Variants in OR1D2 observed in about 807,000 individuals in gnomAD.
The protein encoded by OR1D2 is olfactory receptor family 1 subfamily D member 2.
For missense variants in OR1D2, 357 were observed against 376.1 expected (o/e 0.95, Z 0.42); for synonymous variants, 157 against 153.9 (o/e 1.02, Z -0.15).
chr17:3,099,780 T>C (rs1597255815), intron 1 of OR1D2, among the ~76,000 whole-genome samples: 1 of 152,004 alleles, frequency 6.6e-6, no homozygotes, highest in Non-Finnish European at 1.5e-5. Flanking sequence ...AGGAGACCCA[T>C]CTCACGTACA....
At chr17:3,099,945 A>G (rs1434832772) in intron 1 of OR1D2, among the ~76,000 whole-genome samples, 1 of 152,236 alleles carries the variant, frequency 6.6e-6, no homozygotes, top group Admixed American at 6.5e-5. Flanking sequence ...GGCATTACAT[A>G]ATGGTATAGA....
Position 3,092,117 on chromosome 17 carries a change from T to C in OR1D2, c.880A>G (p.Lys294Glu), listed in dbSNP as rs1403324256. 1.9e-6 allele frequency: 3 copies of C among 1,614,100 alleles called. No homozygotes were observed. Among genetic ancestry groups the C allele is most frequent in the Non-Finnish European group, 2.5e-6 (3 of 1,179,992 alleles). ...CTTCCCAGAGCCCCATGCATGTCCT[T>C]GTTCCTCAGGCTGTAGATGAAGGGA... is the stretch of plus-strand genomic sequence containing the variant. ...MNPFIYSLRN[K>E]DMHGALGRLL... The change falls in exon 2 of 2, where the codon AAG (lysine) becomes GAG (glutamate). Residue 294 changes from lysine (K) to glutamate (E), a missense_variant. By Grantham distance (56) the Lys-to-Glu change is moderately conservative (BLOSUM62 1). Transcript: ENST00000641833.
In OR1D2 at chr17:3,092,612, G is replaced by C; in HGVS notation, c.385C>G (p.Pro129Ala). ...AYDRYVAICC[P>A]LHYTTAMSPK... ...CTCATGGCTGTGGTGTAGTGGAGGGGGCAGCAGATGGCCACATAGCGGTCA... is the reference window on the plus strand; with the variant it reads ...CTCATGGCTGTGGTGTAGTGGAGGGCGCAGCAGATGGCCACATAGCGGTCA... The change falls in exon 2 of 2, where the codon CCC (proline) becomes GCC (alanine). Residue 129 changes from proline to alanine, a missense_variant. Physicochemically the swap from Pro to Ala is conservative, Grantham distance 27. Coordinates refer to ENST00000641833, the MANE Select transcript of OR1D2 (RefSeq NM_002548.3). 6.2e-7 allele frequency: 1 copy of C among 1,613,974 alleles called. No homozygotes were observed. The highest frequency in any genetic ancestry group is 1.3e-5 in the African/African-American group (1 of 74,956).
rs1486944726 is a variant in OR1D2 at position 3,090,676 on chromosome 17, G to T, written c.*1382C>A. The T allele has an allele frequency of 1.3e-5, 2 of 152,300 alleles. No individual in the cohort carries two copies. The highest frequency in any genetic ancestry group is 6.5e-5 in the Admixed American group (1 of 15,278). The allele number at this position is 152,300 out of a possible 1,614,324, so 9.4% of individuals were successfully genotyped here. A position where few individuals can be genotyped will look rare whatever the true frequency, so the allele number is the denominator to read the frequency against. Reference sequence around the variant, plus strand: ...TATTCTGGGCTGGCCAGTTGGCAGGGTCTATGGGCAGGCAGGCCTAGTGCT... The same window carrying T: ...TATTCTGGGCTGGCCAGTTGGCAGGTTCTATGGGCAGGCAGGCCTAGTGCT... On this transcript the variant is annotated 3_prime_UTR_variant, in exon 2 of 2. Coordinates refer to ENST00000641833, the MANE Select transcript of OR1D2 (RefSeq NM_002548.3).
rs1040665266 is a variant in OR1D2, at chr17:3,090,150, C to T, written c.*1908G>A. ...ATATGTCCCATAGGCTTTCTTCACT[C>T]TTTTTCCATTTGTTTCTCTTACTAG... On this transcript the variant is annotated 3_prime_UTR_variant, in exon 2 of 2. Transcript: ENST00000641833. 6.6e-6 allele frequency: 1 copy of T among 152,170 alleles called. No individual in the cohort carries two copies. Among genetic ancestry groups the T allele is most frequent in the Non-Finnish European group, 1.5e-5 (1 of 68,034 alleles). 9.4% of individuals were successfully genotyped at this position (152,170 alleles called of 1,614,324 possible). A position where few individuals can be genotyped will look rare whatever the true frequency, so the allele number is the denominator to read the frequency against.
rs1267533065 is a variant in OR1D2, at chr17:3,092,177, T to C, written c.820A>G (p.Thr274Ala). 1.2e-6 allele frequency: 2 copies of C among 1,614,220 alleles called. No individual in the cohort carries two copies. Among genetic ancestry groups the C allele is most frequent in the Admixed American group, 1.7e-5 (1 of 60,030 alleles). ...GGTGTCACCACAGCATACATCACTGTGGCTACTGAGTCCTTCACAGAGTAG... is the reference window on the plus strand; with the variant it reads ...GGTGTCACCACAGCATACATCACTGCGGCTACTGAGTCCTTCACAGAGTAG... ...HTYSVKDSVA[T>A]VMYAVVTPMM... is the part of the protein sequence containing the mutation. The change falls in exon 2 of 2, where the codon ACA (threonine) becomes GCA (alanine). Residue 274 changes from threonine (T) to alanine (A), a missense_variant. Coordinates refer to ENST00000641833, the MANE Select transcript of OR1D2 (RefSeq NM_002548.3).
chr17:3,095,789 T>C (rs191102777), intron 1 of OR1D2, among the ~76,000 whole-genome samples: 205 of 152,194 alleles, frequency 1.3e-3, no homozygotes, highest in African/African-American at 4.1e-3. Context: ...GGCCATAGCA[T>C]ATAGAAATAT....
chr17:3,092,022 T>C lies in OR1D2; in HGVS notation c.*36A>G, dbSNP rs778696210. On this transcript the variant is annotated 3_prime_UTR_variant, in exon 2 of 2. Coordinates refer to ENST00000641833, the MANE Select transcript of OR1D2 (RefSeq NM_002548.3). ...CCTTACATAGGGTGAAGGATATTCC[T>C]AGTCTCCACTTTAATGCTGTCTTTC... 1 of 1,473,564 alleles carries C rather than the reference T, an allele frequency of 6.8e-7. No homozygotes were observed. The highest frequency in any genetic ancestry group is 1.4e-5 in the African/African-American group (1 of 71,988). 91.3% of individuals were successfully genotyped at this position (1,473,564 alleles called of 1,614,324 possible).
chr17:3,096,117 G>A (rs1201935112), intron 1 of OR1D2, among the ~76,000 whole-genome samples: 1 of 151,962 alleles, frequency 6.6e-6, no homozygotes, highest in African/African-American at 2.4e-5. Context: ...AAATTAAAAT[G>A]CAACATGAGA....
At chr17:3,097,777 C>T (rs927612565) in intron 1 of OR1D2, among the ~76,000 whole-genome samples, 1 of 152,204 alleles carries the variant, frequency 6.6e-6, no homozygotes, top group South Asian at 2.1e-4. Context: ...ACACTAAGCT[C>T]CCTGGGTGGG....
chr17:3,101,909 C>T (rs1194990681), intron 1 of OR1D2, among the ~76,000 whole-genome samples: 1 of 152,162 alleles, frequency 6.6e-6, no homozygotes, highest in East Asian at 1.9e-4. Context: ...AATGAACCTC[C>T]ATTCACAATT....
At chr17:3,101,635 C>T (rs1450428586) in intron 1 of OR1D2, among the ~76,000 whole-genome samples, 1 of 152,176 alleles carries the variant, frequency 6.6e-6, no homozygotes, top group Non-Finnish European at 1.5e-5. Flanking sequence ...TGTCTCACCA[C>T]TCCTGCTCAA....
Position 3,092,840 on chromosome 17 carries a change from A to G in OR1D2, c.157T>C (p.Ser53Pro). The G allele has an allele frequency of 6.2e-6, 10 of 1,614,070 alleles. No homozygotes were observed. Among genetic ancestry groups the G allele is most frequent in the Non-Finnish European group, 8.5e-6 (10 of 1,180,020 alleles). The change falls in exon 2 of 2, where the codon TCC becomes CCC. Residue 53 changes from serine (S) to proline (P), a missense_variant. Physicochemically the swap from Ser to Pro is moderately conservative, Grantham distance 74. Coordinates refer to ENST00000641833, the MANE Select transcript of OR1D2 (RefSeq NM_002548.3). Reference protein sequence around the residue: ...VLIILAISSDSRLHTPVYFFL... With the variant: ...VLIILAISSDPRLHTPVYFFL... ...AAGTACACGGGGGTGTGCAGGCGGG[A>G]ATCAGAGCTGATGGCCAGGATGATG...
chr17:3,092,545 AG>A lies in OR1D2; in HGVS notation c.451del (p.Leu151TyrfsTer13), dbSNP rs1176525142. On this transcript the variant is annotated frameshift_variant, in exon 2 of 2. Transcript: ENST00000641833. LOFTEE classifies it low-confidence loss of function (END_TRUNC). ...GTGTATGAGGCCATAGAGGACGGAT[AG>A]GACCCAACACAAGGAAAGGAGTAAG... ...CILLLSLCWV[L>X]SVLYGLIHTL... 1 of 1,614,156 alleles carries A rather than the reference AG, an allele frequency of 6.2e-7. No homozygotes were observed. The highest frequency in any genetic ancestry group is 2.2e-5 in the East Asian group (1 of 44,876).
Position 3,090,400 on chromosome 17 carries a change from T to C in OR1D2, c.*1658A>G, listed in dbSNP as rs1325382746. On this transcript the variant is annotated 3_prime_UTR_variant, in exon 2 of 2. Transcript: ENST00000641833. ...ACCTGTGTTTTTGTGTGGGTCACCA[T>C]GTTTCTTCAAATGATCACTTGAATT... is the stretch of plus-strand genomic sequence containing the variant. 2 of 152,242 alleles carry C rather than the reference T, an allele frequency of 1.3e-5. No individual in the cohort carries two copies. The highest frequency in any genetic ancestry group is 4.8e-5 in the African/African-American group (2 of 41,470). 9.4% of individuals were successfully genotyped at this position (152,242 alleles called of 1,614,324 possible).
intron 1 of OR1D2, among the ~76,000 whole-genome samples, chr17:3,094,577 T>A (rs1417294052): frequency 6.6e-6 from 1 of 152,018 alleles, no homozygotes; most frequent in Non-Finnish European, 1.5e-5. Flanking sequence ...TTACAATAAA[T>A]TATCTAAAAT....
chr17:3,091,631 A>C lies in OR1D2; in HGVS notation c.*427T>G, dbSNP rs78825233. On this transcript the variant is annotated 3_prime_UTR_variant, in exon 2 of 2. Transcript: ENST00000641833. ...TGTCGAGGTCTATATCACGTGCTGG[A>C]TCAGCTGATACAAATATGTATGATT... 2,893 of 169,630 alleles carry C rather than the reference A, an allele frequency of 0.017. 84 individuals are homozygous for C. Among genetic ancestry groups the C allele is most frequent in the African/African-American group, 0.062 (2,575 of 41,830 alleles). The allele number at this position is 169,630 out of a possible 1,614,324, so 10.5% of individuals were successfully genotyped here.
At chr17:3,103,195 A>G (rs563872800) in intron 1 of OR1D2, among the ~76,000 whole-genome samples, 1 of 152,232 alleles carries the variant, frequency 6.6e-6, no homozygotes, top group East Asian at 1.9e-4. Flanking sequence ...TCCCAGGGAA[A>G]TTGAGAAATT....
intron 1 of OR1D2, among the ~76,000 whole-genome samples, chr17:3,101,886 G>A (rs546087697): frequency 3.3e-5 from 5 of 152,240 alleles, no homozygotes; most frequent in Admixed American, 6.5e-5. Context: ...GACAAGCAGA[G>A]AGCCAAATCA....
Sources: allele counts gnomAD v4.1 joint callset (sites outside exome capture counted in the v4.1 genomes callset), GRCh38; gene constraint gnomAD v4.1.1; transcripts MANE v1.5; gene names NCBI Gene and HGNC (gene_info 2026-07-23, HGNC 2026-07-21).